The following CPXM2 variants were observed in gnomAD, a reference collection of about 807,000 sequenced individuals.
CPXM2 encodes the protein inactive carboxypeptidase-like protein X2.
A neutral mutation model predicts 86.1 loss-of-function variants in CPXM2; 66 were observed. The observed-to-expected ratio is 0.77, with a 90% CI of 0.63 to 0.94. The LOEUF (loss-of-function observed/expected upper bound fraction) is 0.94. Among genes scored for constraint, CPXM2 ranks in the 40% least tolerant of loss-of-function variants. CPXM2 has a pLI of 0.00. For synonymous variants in CPXM2, 388 were observed against 400.2 expected (o/e 0.97, Z 0.36); for missense variants, 948 against 1,026.3 (o/e 0.92, Z 1.04).
intron 2 of CPXM2, among the ~76,000 whole-genome samples, chr10:123,897,524 C>A (rs2134257736): frequency 6.6e-6 from 1 of 152,264 alleles, no homozygotes; most frequent in South Asian, 2.1e-4. Context: ...GCCCATCAGG[C>A]AACCCGAGAT....
At chr10:123,878,131 G>A (rs1455801878) in intron 2 of CPXM2, among the ~76,000 whole-genome samples, 1 of 151,960 alleles carries the variant, frequency 6.6e-6, no homozygotes, top group Non-Finnish European at 1.5e-5. Context: ...CTGCATTTGA[G>A]GCCACACCTT....
At chr10:123,914,262 C>T (rs755141136) in intron 2 of CPXM2, 19 of 360,104 alleles carry the variant, frequency 5.3e-5, no homozygotes, top group Admixed American at 7.1e-5. Flanking sequence ...GCTTCCTTCC[C>T]GGACATTCTC....
In CPXM2 at chr10:123,746,325, A is replaced by T. The variant is rs1332261563; in HGVS notation, c.*439T>A. The T allele has an allele frequency of 6.2e-5, 11 of 178,646 alleles. No homozygotes were observed. Among genetic ancestry groups the T allele is most frequent in the Non-Finnish European group, 1.1e-4 (9 of 85,092 alleles). 11.1% of individuals were successfully genotyped at this position (178,646 alleles called of 1,614,324 possible). ...CTTAGGACGCCTGGGAGCATCTCAAATGGTAACATTTGGGACAGCCCAGCT... is the reference window on the plus strand; with the variant it reads ...CTTAGGACGCCTGGGAGCATCTCAATTGGTAACATTTGGGACAGCCCAGCT... On this transcript the variant is annotated 3_prime_UTR_variant, in exon 14 of 14. Transcript: ENST00000241305.
At position 123,750,163 on chromosome 10, in the gene CPXM2, A is replaced by T. The variant is rs1356009196; in HGVS notation, c.2018-3146T>A. The T allele has an allele frequency of 3.0e-6, 3 of 985,160 alleles. No homozygotes were observed. The African/African-American group carries it at 5.2e-5, about 17-fold the overall frequency. The allele number at this position is 985,160 out of a possible 1,614,324, so 61.0% of individuals were successfully genotyped here. A position where few individuals can be genotyped will look rare whatever the true frequency, so the allele number is the denominator to read the frequency against. Reference sequence around the variant, plus strand: ...TGAAAGCTATTCTTACTAATTTTCAAGAAATTTGTTCTGTCCTTGTGGCCC... The same window carrying T: ...TGAAAGCTATTCTTACTAATTTTCATGAAATTTGTTCTGTCCTTGTGGCCC... On this transcript the variant is annotated intron_variant, in intron 13 of 13. Transcript: ENST00000241305.
At chr10:123,914,007 C>G (rs773957760) in intron 2 of CPXM2, 1 of 493,896 alleles carries the variant, frequency 2.0e-6, no homozygotes, top group Non-Finnish European at 4.1e-6. Context: ...GCATTCCCTC[C>G]CCTGGGGTTT....
At chr10:123,766,512 A>G (rs1846475330) in intron 10 of CPXM2, among the ~76,000 whole-genome samples, 1 of 152,198 alleles carries the variant, frequency 6.6e-6, no homozygotes, top group Non-Finnish European at 1.5e-5. Context: ...TCTTTGTAAA[A>G]CAAGACCTAA....
rs1373560626 is a variant in CPXM2 at position 123,762,090 on chromosome 10, T to C, written c.1559A>G (p.Glu520Gly). The C allele has an allele frequency of 1.9e-6, 3 of 1,613,970 alleles. No homozygotes were observed. Among genetic ancestry groups the C allele is most frequent in the Non-Finnish European group, 2.5e-6 (3 of 1,180,018 alleles). The change falls in exon 11 of 14, where the codon GAG (glutamate) becomes GGG (glycine). Residue 520 changes from glutamate (E) to glycine (G), a missense_variant. Glu to Gly is a moderately conservative substitution (Grantham distance 98). Transcript: ENST00000241305. ...FVLGGNLQGG[E>G]LVVAYPYDLV... ...GTCGTAGGGGTACGCCACCACCAGC[T>C]CGCCGCCCTGCAGGTTGCCGCCCAG... is the stretch of plus-strand genomic sequence containing the variant.
intron 1 of CPXM2, among the ~76,000 whole-genome samples, chr10:123,881,493 G>A (rs1478387873): frequency 6.6e-6 from 1 of 152,102 alleles, no homozygotes; most frequent in Non-Finnish European, 1.5e-5. Flanking sequence ...GAGGAAAGGA[G>A]CTAAGCAAGG....
chr10:123,799,219 C>T lies in CPXM2; in HGVS notation c.654-20G>A, dbSNP rs1322205472. The stretch of plus-strand genomic sequence containing the variant: ...TCACTCCTATGAGAAAATAAAACAT[C>T]ATTAGGACTACACACTTTAAAATGT... On this transcript the variant is annotated intron_variant, in intron 4 of 13. Coordinates refer to ENST00000241305, the MANE Select transcript of CPXM2 (RefSeq NM_198148.3). 1 of 1,613,206 alleles carries T rather than the reference C, an allele frequency of 6.2e-7. No individual in the cohort carries two copies. Among genetic ancestry groups the T allele is most frequent in the East Asian group, 2.2e-5 (1 of 44,874 alleles).
intron 2 of CPXM2, among the ~76,000 whole-genome samples, chr10:123,935,549 T>C (rs1440446907): frequency 6.6e-6 from 1 of 152,276 alleles, no homozygotes; most frequent in East Asian, 1.9e-4. Flanking sequence ...GCTCAACAGT[T>C]CTAACACCTC....
intron 7 of CPXM2, among the ~76,000 whole-genome samples, chr10:123,779,065 A>G (rs764306244): frequency 1.3e-5 from 2 of 152,238 alleles, no homozygotes; most frequent in Non-Finnish European, 2.9e-5. Flanking sequence ...CCACATTTGT[A>G]GTGGATGGCT....
intron 2 of CPXM2, among the ~76,000 whole-genome samples, chr10:123,899,411 A>G (rs1476067545): frequency 6.6e-6 from 1 of 152,270 alleles, no homozygotes; most frequent in Non-Finnish European, 1.5e-5. Flanking sequence ...GATTATCTAA[A>G]TCAATGAATT....
chr10:123,880,189 GCT>G lies in CPXM2; in HGVS notation c.403+20_403+21del. 1.0e-6 allele frequency: 1 copy of G among 998,196 alleles called. No individual in the cohort carries two copies. Among genetic ancestry groups the G allele is most frequent in the Non-Finnish European group, 1.6e-6 (1 of 624,746 alleles). The allele number at this position is 998,196 out of a possible 1,614,324, so 61.8% of individuals were successfully genotyped here. A position where few individuals can be genotyped will look rare whatever the true frequency, so the allele number is the denominator to read the frequency against. On this transcript the variant is annotated intron_variant, in intron 2 of 13. Transcript: ENST00000241305. ...AACAGGGCCTAGGACTGGTGTAGGG[GCT>G]CTCCGAGAGCCTCACTTACTCTCTC...
chr10:123,869,489 A>G (rs1944855930), intron 2 of CPXM2, among the ~76,000 whole-genome samples: 1 of 152,266 alleles, frequency 6.6e-6, no homozygotes, highest in Non-Finnish European at 1.5e-5. Flanking sequence ...AATATTAATT[A>G]GAAATCAGAG....
intron 2 of CPXM2, among the ~76,000 whole-genome samples, chr10:123,864,866 C>T (rs1027352171): frequency 7.2e-5 from 11 of 152,176 alleles, no homozygotes; most frequent in Admixed American, 3.9e-4. Flanking sequence ...GCTTTTCTGT[C>T]GACAGACAGA....
intron 4 of CPXM2, among the ~76,000 whole-genome samples, chr10:123,808,984 G>T (rs986205006): frequency 6.8e-6 from 1 of 147,626 alleles, no homozygotes; most frequent in African/African-American, 2.4e-5. Context: ...TTCCAGAAAC[G>T]AACAATTCAC....
At chr10:123,844,994 G>A (rs1468402932) in intron 3 of CPXM2, among the ~76,000 whole-genome samples, 5 of 151,696 alleles carry the variant, frequency 3.3e-5, no homozygotes, top group Non-Finnish European at 7.4e-5. Context: ...CTTGAACCGG[G>A]GGGCAGAGGC....
At chr10:123,793,420 G>A (rs1001942781) in intron 6 of CPXM2, among the ~76,000 whole-genome samples, 15 of 130,900 alleles carry the variant, frequency 1.1e-4, no homozygotes, top group South Asian at 7.5e-4. Context: ...CCCAGACCAC[G>A]CCACTGCACT....
At chr10:123,904,486 G>C (rs1182185847) in intron 2 of CPXM2, among the ~76,000 whole-genome samples, 2 of 152,162 alleles carry the variant, frequency 1.3e-5, no homozygotes, top group African/African-American at 4.8e-5. Context: ...GGAGTAAACA[G>C]GTTAACACAT....
Sources: gnomAD v4.1 joint callset for allele counts (sites outside exome capture counted in the v4.1 genomes callset) on GRCh38, gnomAD v4.1.1 for gene constraint, MANE v1.5 for transcripts, NCBI Gene and HGNC (gene_info 2026-07-23, HGNC 2026-07-21) for gene names.